GRAMD1C: variants seen among roughly 807,000 people sequenced by gnomAD.
GRAMD1C encodes GRAM domain containing 1C.
In GRAMD1C, 89 loss-of-function variants were observed where a neutral mutation model predicts 97.8. The ratio of observed to expected loss-of-function variants is 0.91; its 90% CI spans 0.77 to 1.09. The LOEUF (loss-of-function observed/expected upper bound fraction) is 1.09. Among genes scored for constraint, GRAMD1C ranks in the 50% least tolerant of loss-of-function variants. The pLI is 0.00. For synonymous variants in GRAMD1C, 256 were observed against 267.0 expected, an observed-to-expected ratio of 0.96 and a Z score of 0.40; for missense variants, 740 against 766.4, an observed-to-expected ratio of 0.97 and a Z score of 0.41.
chr3:113,869,337 C>G (rs1055117936), intron 2 of GRAMD1C, among the ~76,000 whole-genome samples, 170 bp from the exon 3 acceptor site: 18 of 152,148 alleles, frequency 1.2e-4, no homozygotes, highest in African/African-American at 3.6e-4. Flanking sequence ...CTCATCTCAT[C>G]ATGCTGGAAG....
intron 6 of GRAMD1C, among the ~76,000 whole-genome samples, chr3:113,891,530 C>A (rs1935724674): frequency 6.6e-6 from 1 of 151,902 alleles, no homozygotes. Context: ...AGCATAGCTA[C>A]AAAATTCTAT....
intron 6 of GRAMD1C, chr3:113,891,020 C>T (rs1032783162): frequency 1.5e-5 from 6 of 397,602 alleles, no homozygotes; most frequent in Admixed American, 4.4e-5. Flanking sequence ...TGTATACACA[C>T]GGAGGTATCA....
intron 3 of GRAMD1C, among the ~76,000 whole-genome samples, chr3:113,869,891 C>T (rs1391159319): frequency 6.6e-6 from 1 of 151,964 alleles, no homozygotes; most frequent in East Asian, 1.9e-4. Context: ...AATTGTGGTA[C>T]ATAAATGCAA....
intron 16 of GRAMD1C, 46 bp downstream of exon 16, chr3:113,940,042 A>G: frequency 9.2e-7 from 1 of 1,083,444 alleles, no homozygotes; most frequent in Non-Finnish European, 1.4e-6. Flanking sequence ...TTATTTCAGT[A>G]ATTCTTCAGT....
chr3:113,930,933 T>C, intron 11 of GRAMD1C, 101 bp downstream of exon 11: 1 of 629,362 alleles, frequency 1.6e-6, no homozygotes, highest in Non-Finnish European at 2.8e-6. Context: ...AATAAACAAG[T>C]GGCAAGAAAA....
intron 7 of GRAMD1C, among the ~76,000 whole-genome samples, chr3:113,902,523 T>C (rs1374340501): frequency 6.6e-6 from 1 of 152,258 alleles, no homozygotes; most frequent in Admixed American, 6.5e-5. Flanking sequence ...TTTTCTCGTC[T>C]ATGAAATGAG....
At chr3:113,921,056 C>T (rs1473590771) in intron 10 of GRAMD1C, among the ~76,000 whole-genome samples, 3 of 152,106 alleles carry the variant, frequency 2.0e-5, no homozygotes, top group African/African-American at 7.2e-5. Context: ...AGTCTTTACC[C>T]TCCTTCCACC....
At chr3:113,830,556 C>T (rs1360849541) in intron 1 of GRAMD1C, among the ~76,000 whole-genome samples, 1 of 152,174 alleles carries the variant, frequency 6.6e-6, no homozygotes, top group Non-Finnish European at 1.5e-5. Flanking sequence ...TAGCCTATTG[C>T]TCCTGAGCTA....
chr3:113,833,047 C>T (rs1301347567), intron 1 of GRAMD1C, among the ~76,000 whole-genome samples: 1 of 152,010 alleles, frequency 6.6e-6, no homozygotes, highest in African/African-American at 2.4e-5. Context: ...GAACTGTTAT[C>T]CCTTGCCCCA....
Position 113,939,994 on chromosome 3 carries a change from A to C in GRAMD1C, c.1800A>C (p.Leu600Phe), listed in dbSNP as rs1268618852. 2.0e-6 allele frequency: 3 copies of C among 1,506,932 alleles called. No individual in the cohort carries two copies. The highest frequency in any genetic ancestry group is 2.3e-5 in the East Asian group (1 of 44,368). 93.3% of individuals were successfully genotyped at this position (1,506,932 alleles called of 1,614,324 possible). A position where few individuals can be genotyped will look rare whatever the true frequency, so the allele number is the denominator to read the frequency against. The change falls in exon 16 of 18, where the codon TTA (leucine) becomes TTC (phenylalanine). Residue 600 changes from leucine to phenylalanine, a missense_variant and splice_region_variant. Leu to Phe is a conservative substitution (Grantham distance 22, BLOSUM62 0). Coordinates refer to ENST00000358160, the MANE Select transcript of GRAMD1C (RefSeq NM_017577.5). ...YRLRLQEEKS[L>F]NLASDMVSRA... ...TCCGCCTCCAAGAAGAGAAATCTTTAAAGTAAGTCTTTTTCCCCCTGACCT... is the reference window on the plus strand; with the variant it reads ...TCCGCCTCCAAGAAGAGAAATCTTTCAAGTAAGTCTTTTTCCCCCTGACCT...
chr3:113,863,781 T>G (rs1934485894), intron 2 of GRAMD1C, among the ~76,000 whole-genome samples: 1 of 152,138 alleles, frequency 6.6e-6, no homozygotes, highest in African/African-American at 2.4e-5. Flanking sequence ...CAGGCAGGTA[T>G]TGCACTCTCC....
intron 2 of GRAMD1C, among the ~76,000 whole-genome samples, chr3:113,846,027 T>G (rs1933595756): frequency 2.0e-5 from 3 of 152,134 alleles, no homozygotes. Flanking sequence ...AAAAATAATG[T>G]CATGTCTATT....
intron 2 of GRAMD1C, among the ~76,000 whole-genome samples, chr3:113,853,684 A>G (rs1934001775): frequency 6.6e-6 from 1 of 152,228 alleles, no homozygotes; most frequent in South Asian, 2.1e-4. Context: ...GGATCTGACA[A>G]CAGAATGGGA....
intron 6 of GRAMD1C, among the ~76,000 whole-genome samples, chr3:113,887,476 G>T (rs1432651131): frequency 6.6e-6 from 1 of 151,984 alleles, no homozygotes; most frequent in Non-Finnish European, 1.5e-5. Context: ...CGAGGTGGGT[G>T]GGTCACGAGG....
At chr3:113,886,313 T>C (rs1352512978) in intron 6 of GRAMD1C, among the ~76,000 whole-genome samples, 2 of 152,190 alleles carry the variant, frequency 1.3e-5, no homozygotes, top group African/African-American at 2.4e-5. Flanking sequence ...CGAATCAGTG[T>C]TTGTGAAGAG....
chr3:113,900,092 C>CA (rs1936105870), intron 6 of GRAMD1C, among the ~76,000 whole-genome samples: 2 of 152,040 alleles, frequency 1.3e-5, no homozygotes, highest in African/African-American at 4.8e-5. Flanking sequence ...GGCACCATGT[C>CA]TCACGCCTAT....
chr3:113,886,158 C>G (rs1935469370), intron 6 of GRAMD1C: 1 of 1,449,856 alleles, frequency 6.9e-7, no homozygotes, highest in African/African-American at 1.4e-5. Context: ...CCCCTCCCAC[C>G]CCTCTCTGCC....
intron 2 of GRAMD1C, among the ~76,000 whole-genome samples, chr3:113,868,449 G>T (rs1437271015): frequency 6.6e-6 from 1 of 152,070 alleles, no homozygotes; most frequent in Non-Finnish European, 1.5e-5. Flanking sequence ...TGTCCCATGG[G>T]TTGTCATTGC....
At chr3:113,830,194 C>A (rs952882610) in intron 1 of GRAMD1C, among the ~76,000 whole-genome samples, 4 of 152,082 alleles carry the variant, frequency 2.6e-5, no homozygotes, top group Non-Finnish European at 4.4e-5. Flanking sequence ...GCCACTCCAC[C>A]CTAATCTTTT....
Sources: allele counts gnomAD v4.1 joint callset (sites outside exome capture counted in the v4.1 genomes callset), GRCh38; gene constraint gnomAD v4.1.1; transcripts MANE v1.5; gene names NCBI Gene and HGNC (gene_info 2026-07-23, HGNC 2026-07-21).